Variants in CD22 observed in about 807,000 individuals in gnomAD.
The protein encoded by CD22 is CD22 molecule.
Under a neutral mutation model 94.7 loss-of-function variants are expected in CD22, and 51 were observed. The observed-to-expected ratio is 0.54, with a 90% CI of 0.43 to 0.68. The LOEUF is 0.68. Among genes scored for constraint, CD22 ranks in the 30% least tolerant of loss-of-function variants. The pLI is 0.00. For synonymous variants in CD22, 424 were observed against 422.5 expected (o/e 1.00, Z -0.04); for missense variants, 931 against 1,060.4 (o/e 0.88, Z 1.69).
chr19:35,339,088 T>C (rs1001528070), intron 6 of CD22, among the ~76,000 whole-genome samples: 20 of 151,424 alleles, frequency 1.3e-4, no homozygotes, highest in Non-Finnish European at 7.4e-5. Flanking sequence ...ATACAAAAAT[T>C]AGCTGAGCAT....
intron 9 of CD22, among the ~76,000 whole-genome samples, chr19:35,342,804 T>C (rs1278595223): frequency 1.3e-5 from 2 of 151,960 alleles, no homozygotes; most frequent in Admixed American, 1.3e-4. Flanking sequence ...GTTTTTATCT[T>C]TTAAAACGTA....
intron 9 of CD22, 69 bp downstream of exon 9, chr19:35,342,034 C>CTTCCTTCT (rs2066820276): frequency 9.2e-7 from 1 of 1,083,332 alleles, no homozygotes; most frequent in African/African-American, 1.7e-5. Flanking sequence ...TCCTTCCTTC[C>CTTCCTTCT]TTCCTTCCTT....
Position 35,346,884 on chromosome 19 carries a change from G to A in CD22, c.*187G>A. 1 of 617,020 alleles carries A rather than the reference G, an allele frequency of 1.6e-6. No homozygotes were observed. The highest frequency in any genetic ancestry group is 2.1e-5 in the South Asian group (1 of 47,694). The allele number at this position is 617,020 out of a possible 1,614,324, so 38.2% of individuals were successfully genotyped here. ...CTGGCTCAGAGCCAGTCTTTTTGGT[G>A]AGGGTAACCCCAAACCTCCAAAACT... On this transcript the variant is annotated 3_prime_UTR_variant, in exon 14 of 14. Coordinates refer to ENST00000085219, the MANE Select transcript of CD22 (RefSeq NM_001771.4).
rs147501468 is a variant in CD22, at chr19:35,341,620, G to A, written c.1771+14G>A. On this transcript the variant is annotated intron_variant, in intron 8 of 13. Coordinates refer to ENST00000085219, the MANE Select transcript of CD22 (RefSeq NM_001771.4). The surrounding 1 kb of genome is among the most constrained non-coding windows in gnomAD (Gnocchi z 4.0). ...TTGAAGTGCTGTGTGAGTGAGGGCC[G>A]GAGGCTGGGAGTGGAGCAGAGAAGG... 44 of 1,608,024 alleles carry A rather than the reference G, an allele frequency of 2.7e-5. No homozygotes were observed. Among genetic ancestry groups the A allele is most frequent in the African/African-American group, 1.9e-4 (14 of 74,898 alleles).
chr19:35,344,855 G>A lies in CD22; in HGVS notation c.2062G>A (p.Val688Met). ...TAGCCCGGAGACCATCGGCAGGCGA[G>A]TGGCTGTGGGACTCGGGTCCTGCCT... ...YYSPETIGRR[V>M]AVGLGSCLAI... The change falls in exon 10 of 14, where the codon GTG (valine) becomes ATG (methionine). Residue 688 changes from valine (V) to methionine (M), a missense_variant. Coordinates refer to ENST00000085219, the MANE Select transcript of CD22 (RefSeq NM_001771.4). 1 of 1,613,578 alleles carries A rather than the reference G, an allele frequency of 6.2e-7. No individual in the cohort carries two copies. The highest frequency in any genetic ancestry group is 8.5e-7 in the Non-Finnish European group (1 of 1,179,584).
At chr19:35,331,846 CA>C (rs1008992322) in intron 1 of CD22, 172 bp from the exon 2 acceptor site, 845 of 1,310,818 alleles carry the variant, frequency 6.4e-4, no homozygotes, top group East Asian at 1.1e-3. Context: ...GACTCTGTCT[CA>C]AAAAAAAAGA....
chr19:35,331,079 G>C (rs930399983), intron 1 of CD22: 1 of 151,960 alleles, frequency 6.6e-6, no homozygotes, highest in Non-Finnish European at 1.5e-5. Flanking sequence ...ACGCCACCAC[G>C]CCTGGCTAAT....
In CD22 at chr19:35,337,887, C is replaced by T. The variant is rs1336952101; in HGVS notation, c.851C>T (p.Thr284Ile). ...YTTVSWLKDG[T>I]SLKKQNTFTL... ...ACGGTATCCTGGCTCAAGGATGGGACCTCGCTGAAGAAGCAGAATACATTC... is the reference window on the plus strand; with the variant it reads ...ACGGTATCCTGGCTCAAGGATGGGATCTCGCTGAAGAAGCAGAATACATTC... The change falls in exon 5 of 14, where the codon ACC becomes ATC. Residue 284 changes from threonine to isoleucine, a missense_variant. By Grantham distance (89) the Thr-to-Ile change is moderately conservative. Coordinates refer to ENST00000085219, the MANE Select transcript of CD22 (RefSeq NM_001771.4). The surrounding 1 kb of genome is among the most constrained non-coding windows in gnomAD (Gnocchi z 4.4). The T allele has an allele frequency of 1.2e-6, 2 of 1,614,076 alleles. No individual in the cohort carries two copies. Among genetic ancestry groups the T allele is most frequent in the Admixed American group, 1.7e-5 (1 of 60,002 alleles).
chr19:35,343,779 C>T (rs961709721), intron 9 of CD22, among the ~76,000 whole-genome samples: 5 of 152,140 alleles, frequency 3.3e-5, no homozygotes, highest in African/African-American at 1.2e-4. Context: ...AAAACAATAA[C>T]AACAACAAAA....
chr19:35,332,175 G>A (rs1568483623), intron 2 of CD22, 101 bp downstream of exon 2: 5 of 1,347,750 alleles, frequency 3.7e-6, no homozygotes, highest in Non-Finnish European at 5.3e-6. Context: ...ATAGGGTAGG[G>A]TGGGGGCAGC....
At chr19:35,331,617 G>A (rs2066645671) in intron 1 of CD22, 1 of 190,618 alleles carries the variant, frequency 5.2e-6, no homozygotes, top group African/African-American at 2.4e-5. Flanking sequence ...GGGAGGCCAA[G>A]GCTGGCAGAT....
intron 1 of CD22, 122 bp from the exon 2 acceptor site, chr19:35,331,897 T>C (rs970753909): frequency 6.4e-7 from 1 of 1,557,290 alleles, no homozygotes. Context: ...ATCCCCATAA[T>C]GCAACCAGAC....
chr19:35,340,980 G>A lies in CD22; in HGVS notation c.1349G>A (p.Ser450Asn), dbSNP rs759692965. ...LSCNYNSSNP[S>N]VTRYEWKPHG... ...TGTAACTACAATTCCAGTAACCCCAGTGTTACCCGGTATGAATGGAAACCC... is the reference window on the plus strand; with the variant it reads ...TGTAACTACAATTCCAGTAACCCCAATGTTACCCGGTATGAATGGAAACCC... Residue 450 changes from serine to asparagine, a missense_variant, in exon 7 of 14, where the codon AGT (serine) becomes AAT (asparagine). Ser to Asn is a conservative substitution (Grantham distance 46, BLOSUM62 1). Coordinates refer to ENST00000085219, the MANE Select transcript of CD22 (RefSeq NM_001771.4). The A allele has an allele frequency of 3.1e-6, 5 of 1,614,092 alleles. No homozygotes were observed. The highest frequency in any genetic ancestry group is 4.2e-6 in the Non-Finnish European group (5 of 1,180,044).
In CD22 at chr19:35,337,512, G is replaced by C. The variant is rs150213123; in HGVS notation, c.719-243G>C. Among the ~76,000 whole-genome samples, 1 of 152,140 alleles carries C rather than the reference G, an allele frequency of 6.6e-6. No individual in the cohort carries two copies. Among genetic ancestry groups the C allele is most frequent in the Non-Finnish European group, 1.5e-5 (1 of 68,026 alleles). On this transcript the variant is annotated intron_variant, in intron 4 of 13. Transcript: ENST00000085219. The surrounding 1 kb of genome is among the most constrained non-coding windows in gnomAD (Gnocchi z 4.4). ...TCTATGCAAAGCACAGAACCCGCTC[G>C]TGGTTTCCAGCAGGATTGGCGAGGT... is the stretch of plus-strand genomic sequence containing the variant.
At position 35,337,491 on chromosome 19, in the gene CD22, T is replaced by C. The variant is rs558891503; in HGVS notation, c.719-264T>C. 6.6e-6 allele frequency among the ~76,000 whole-genome samples: 1 copy of C among 152,228 alleles called. No individual in the cohort carries two copies. Among genetic ancestry groups the C allele is most frequent in the South Asian group, 2.1e-4 (1 of 4,824 alleles). ...GCTGAGGTGAGGGTTTGGGATTCTA[T>C]GCAAAGCACAGAACCCGCTCGTGGT... On this transcript the variant is annotated intron_variant, in intron 4 of 13. Coordinates refer to ENST00000085219, the MANE Select transcript of CD22 (RefSeq NM_001771.4). This position sits in a 1 kb window ranked among gnomAD's most constrained non-coding sequence, Gnocchi z 4.4.
intron 1 of CD22, 33 bp from the exon 2 acceptor site, chr19:35,331,986 A>T: frequency 6.2e-7 from 1 of 1,613,620 alleles, no homozygotes; most frequent in Non-Finnish European, 8.5e-7. Flanking sequence ...GTAAGCGGCC[A>T]GATGGCTCAA....
At chr19:35,332,976 G>T in intron 3 of CD22, 52 bp downstream of exon 3, 1 of 1,560,596 alleles carries the variant, frequency 6.4e-7, no homozygotes, top group Non-Finnish European at 8.7e-7. Flanking sequence ...TGAGTGGGAG[G>T]CAGGAAATAC....
At chr19:35,344,663 A>C in intron 9 of CD22, 166 bp from the exon 10 acceptor site, 2 of 642,930 alleles carry the variant, frequency 3.1e-6, no homozygotes, top group Non-Finnish European at 5.6e-6. Flanking sequence ...AGGGAGGCCC[A>C]GAGCAAGCAG....
intron 1 of CD22, chr19:35,329,440 T>C: frequency 8.1e-6 from 3 of 370,070 alleles, no homozygotes; most frequent in South Asian, 2.0e-5. Flanking sequence ...GGGTAGGTTA[T>C]TGGATGCCCA....
Sources: gnomAD v4.1 joint callset for allele counts (sites outside exome capture counted in the v4.1 genomes callset) on GRCh38, gnomAD v4.1.1 for gene constraint, Gnocchi (gnomAD v3.1) non-coding constraint, MANE v1.5 for transcripts, NCBI Gene and HGNC (gene_info 2026-07-23, HGNC 2026-07-21) for gene names.